The following CMC1 variants were observed in gnomAD, a reference collection of about 807,000 sequenced individuals.
CMC1 encodes COX assembly mitochondrial protein homolog.
CMC1 carries 14 observed loss-of-function variants against 14.1 expected under a neutral mutation model. That is an observed-to-expected ratio of 0.99 (90% CI 0.66 to 1.55). CMC1 has a LOEUF of 1.55. CMC1 is among the 40% of genes most tolerant of loss of function. The pLI is 0.00. For missense variants in CMC1, 127 were observed against 123.8 expected (o/e 1.03, Z -0.12); for synonymous variants, 50 against 38.4 (o/e 1.30, Z -1.12).
chr3:28,281,727 G>A (rs945465367), intron 2 of CMC1, among the ~76,000 whole-genome samples: 1 of 152,108 alleles, frequency 6.6e-6, no homozygotes, highest in Non-Finnish European at 1.5e-5. Context: ...AAAAAAATAA[G>A]CCAGTGAATT....
chr3:28,323,630 G>T lies in CMC1; in HGVS notation c.*4001G>T, dbSNP rs1703263686. On this transcript the variant is annotated 3_prime_UTR_variant, in exon 4 of 4. Transcript: ENST00000466830. ...ATGTAACCTACTCACATTGCCATTT[G>T]TTCCATTATGCAATTTGAAGAAACA... 5 of 154,500 alleles carry T rather than the reference G, an allele frequency of 3.2e-5. No homozygotes were observed. In the Admixed American group the frequency reaches 3.2e-4, roughly 10 times the overall value. The allele number at this position is 154,500 out of a possible 1,614,324, so 9.6% of individuals were successfully genotyped here.
At chr3:28,281,750 G>C (rs1700904971) in intron 2 of CMC1, among the ~76,000 whole-genome samples, 1 of 152,172 alleles carries the variant, frequency 6.6e-6, no homozygotes, top group Non-Finnish European at 1.5e-5. Context: ...GATATAGGCA[G>C]GTGAGACTTA....
chr3:28,248,056 TATC>T (rs899692020), intron 1 of CMC1, among the ~76,000 whole-genome samples: 18 of 152,274 alleles, frequency 1.2e-4, no homozygotes, highest in African/African-American at 4.3e-4. Context: ...TCCACCAAAA[TATC>T]ATATAACCTA....
At chr3:28,289,413 A>C (rs1222555717) in intron 2 of CMC1, among the ~76,000 whole-genome samples, 3 of 152,094 alleles carry the variant, frequency 2.0e-5, no homozygotes, top group African/African-American at 7.2e-5. Flanking sequence ...AGTAAGATAT[A>C]AAAGCCGAGT....
intron 1 of CMC1, among the ~76,000 whole-genome samples, chr3:28,262,464 C>T (rs1040425123): frequency 3.3e-5 from 5 of 152,098 alleles, no homozygotes; most frequent in African/African-American, 4.8e-5. Flanking sequence ...CCATTTGGCT[C>T]CTACTGAGTC....
chr3:28,268,602 T>C (rs139922693), intron 2 of CMC1, among the ~76,000 whole-genome samples: 315 of 152,268 alleles, frequency 2.1e-3, no homozygotes, highest in South Asian at 0.011. Flanking sequence ...GCCACTCTTA[T>C]CAATTACGAA....
Position 28,322,155 on chromosome 3 carries a change from T to TAACA in CMC1, c.*2527_*2530dup, listed in dbSNP as rs1703205914. On this transcript the variant is annotated 3_prime_UTR_variant, in exon 4 of 4. Transcript: ENST00000466830. ...TAAAGAACCTTATACATCATTTGTC[T>TAACA]AACACTTTAAACTGTCACAGTCACT... 2.0e-5 allele frequency: 3 copies of TAACA among 151,408 alleles called. No homozygotes were observed. Among genetic ancestry groups the TAACA allele is most frequent in the African/African-American group, 7.2e-5 (3 of 41,450 alleles). The allele number at this position is 151,408 out of a possible 1,614,324, so 9.4% of individuals were successfully genotyped here. A position where few individuals can be genotyped will look rare whatever the true frequency, so the allele number is the denominator to read the frequency against.
chr3:28,257,803 G>A (rs1383213230), intron 1 of CMC1, among the ~76,000 whole-genome samples: 1 of 152,004 alleles, frequency 6.6e-6, no homozygotes, highest in Non-Finnish European at 1.5e-5. Flanking sequence ...AGGCGTGAGT[G>A]AGCCAGGACT....
chr3:28,268,973 GTA>G (rs1700137392), intron 2 of CMC1, among the ~76,000 whole-genome samples: 1 of 152,150 alleles, frequency 6.6e-6, no homozygotes, highest in South Asian at 2.1e-4. Flanking sequence ...AGAAGGGTTA[GTA>G]TAATAAGATA....
In CMC1 at chr3:28,311,202, T is replaced by A. The variant is rs527685878; in HGVS notation, c.110-5131T>A. ...CTGTAGGGATGGGTGGCTAGAATGT[T>A]TGCTGGAAAAGATTTACTGGTGCAC... On this transcript the variant is annotated intron_variant, in intron 2 of 3. Transcript: ENST00000466830. Among the ~76,000 whole-genome samples the A allele has an allele frequency of 1.4e-3, 212 of 152,260 alleles. 2 individuals carry two copies. Among genetic ancestry groups the A allele is most frequent in the Non-Finnish European group, 2.0e-3 (138 of 68,014 alleles).
At chr3:28,257,572 G>T (rs1396364139) in intron 1 of CMC1, among the ~76,000 whole-genome samples, 2 of 152,124 alleles carry the variant, frequency 1.3e-5, no homozygotes. Context: ...AGGCTGGAGT[G>T]CAGTGATGCC....
At chr3:28,273,639 A>G (rs991312547) in intron 2 of CMC1, among the ~76,000 whole-genome samples, 10 of 152,186 alleles carry the variant, frequency 6.6e-5, no homozygotes, top group Admixed American at 6.5e-4. Flanking sequence ...AGCTGGGTTC[A>G]AGTCCTGAAT....
At chr3:28,276,217 A>T (rs1479922679) in intron 2 of CMC1, among the ~76,000 whole-genome samples, 1 of 152,102 alleles carries the variant, frequency 6.6e-6, no homozygotes. Context: ...CAGCTGTTGC[A>T]GCTGTTTCTA....
At chr3:28,297,312 A>G (rs1701785792) in intron 2 of CMC1, among the ~76,000 whole-genome samples, 1 of 152,058 alleles carries the variant, frequency 6.6e-6, no homozygotes, top group Non-Finnish European at 1.5e-5. Context: ...AAGAAAATGT[A>G]AACTTTTAGG....
intron 2 of CMC1, among the ~76,000 whole-genome samples, chr3:28,309,016 A>C (rs1702484862): frequency 6.6e-6 from 1 of 151,940 alleles, no homozygotes. Flanking sequence ...ATAAGCCTGC[A>C]AAACTAAAAT....
At chr3:28,319,131 C>T (rs1215266814) in intron 3 of CMC1, 15 of 398,472 alleles carry the variant, frequency 3.8e-5, no homozygotes, top group Middle Eastern at 3.6e-4. Context: ...CAAAATACAA[C>T]GCAAGCATTT....
chr3:28,279,805 A>C (rs568199786), intron 2 of CMC1, among the ~76,000 whole-genome samples: 2 of 152,252 alleles, frequency 1.3e-5, no homozygotes, highest in South Asian at 4.1e-4. Flanking sequence ...GGACAATAAC[A>C]TAAGGACAAC....
At position 28,245,495 on chromosome 3, in the gene CMC1, A is replaced by G. The variant is rs77033925; in HGVS notation, c.19+3683A>G. 1.7e-3 allele frequency among the ~76,000 whole-genome samples: 266 copies of G among 152,208 alleles called. 5 individuals are homozygous for G. In the East Asian group the frequency reaches 0.034, roughly 20 times the overall value. ...TAGTTAGGTTCTCTTCCCTCTGTCAACATAGATTCATTCTCTACTTATGCA... is the reference window on the plus strand; with the variant it reads ...TAGTTAGGTTCTCTTCCCTCTGTCAGCATAGATTCATTCTCTACTTATGCA... On this transcript the variant is annotated intron_variant, in intron 1 of 3. Transcript: ENST00000466830.
chr3:28,287,535 G>C (rs970681583), intron 2 of CMC1, among the ~76,000 whole-genome samples: 6 of 151,924 alleles, frequency 3.9e-5, no homozygotes, highest in African/African-American at 1.5e-4. Context: ...TTTATTGTAT[G>C]TGCAGATATT....
Sources: gnomAD v4.1 joint callset for allele counts (sites outside exome capture counted in the v4.1 genomes callset) on GRCh38, gnomAD v4.1.1 for gene constraint, MANE v1.5 for transcripts, NCBI Gene and HGNC (gene_info 2026-07-23, HGNC 2026-07-21) for gene names.